The following HCN1 variants were observed in gnomAD, a reference collection of about 807,000 sequenced individuals.
HCN1 encodes hyperpolarization activated cyclic nucleotide gated potassium channel 1, also known as potassium/sodium hyperpolarization-activated cyclic nucleotide-gated channel 1.
A neutral mutation model predicts 78.9 loss-of-function variants in HCN1; 13 were observed. The ratio of observed to expected loss-of-function variants is 0.16; its 90% CI spans 0.11 to 0.26. The LOEUF (loss-of-function observed/expected upper bound fraction) is 0.26. Ranked by LOEUF, HCN1 falls within the 10% of genes least tolerant of loss-of-function variation. The pLI, the probability that HCN1 is intolerant of heterozygous loss-of-function variation, is 1.00. For missense variants in HCN1, 810 were observed against 1,154.3 expected, an observed-to-expected ratio of 0.70 and a Z score of 4.32; for synonymous variants, 552 against 455.5, an observed-to-expected ratio of 1.21 and a Z score of -2.70.
At chr5:45,381,109 A>G (rs1173654951) in intron 4 of HCN1, among the ~76,000 whole-genome samples, 1 of 152,168 alleles carries the variant, frequency 6.6e-6, no homozygotes, top group African/African-American at 2.4e-5. Context: ...AAGAATCTCA[A>G]TAATAATTAT....
intron 5 of HCN1, among the ~76,000 whole-genome samples, chr5:45,318,934 A>G (rs1299368793): frequency 6.6e-6 from 1 of 151,954 alleles, no homozygotes; most frequent in Non-Finnish European, 1.5e-5. Flanking sequence ...AGTCACATAA[A>G]TGAGGTTGCA....
intron 6 of HCN1, among the ~76,000 whole-genome samples, chr5:45,294,426 G>A (rs1745444098): frequency 6.6e-6 from 1 of 151,892 alleles, no homozygotes; most frequent in Admixed American, 6.6e-5. Context: ...TTTCTCATGG[G>A]TTTGTTTCAC....
chr5:45,526,014 G>T (rs1032858820), intron 2 of HCN1, among the ~76,000 whole-genome samples: 2 of 151,946 alleles, frequency 1.3e-5, no homozygotes, highest in African/African-American at 4.8e-5. Context: ...GAAGTTGGCA[G>T]TCGGCAAACC....
intron 6 of HCN1, among the ~76,000 whole-genome samples, chr5:45,278,061 G>A (rs776572959): frequency 1.2e-4 from 18 of 151,838 alleles, no homozygotes; most frequent in Non-Finnish European, 1.9e-4. Flanking sequence ...TTTTCTTCCT[G>A]TGATCCCTTA....
intron 2 of HCN1, among the ~76,000 whole-genome samples, chr5:45,573,886 C>CA (rs1222945380): frequency 6.6e-6 from 1 of 151,550 alleles, no homozygotes; most frequent in African/African-American, 2.4e-5. Flanking sequence ...GCTTTCTGAA[C>CA]AAAAAAAGAT....
chr5:45,538,385 C>CTAAA (rs1451327885), intron 2 of HCN1, among the ~76,000 whole-genome samples: 1 of 152,092 alleles, frequency 6.6e-6, no homozygotes, highest in Non-Finnish European at 1.5e-5. Flanking sequence ...TGTATAACAG[C>CTAAA]TAAATAGAAA....
chr5:45,387,697 A>G (rs1747954031), intron 4 of HCN1, among the ~76,000 whole-genome samples: 1 of 152,094 alleles, frequency 6.6e-6, no homozygotes, highest in Admixed American at 6.6e-5. Context: ...TCTGTCATCT[A>G]TCAACTTACA....
intron 3 of HCN1, among the ~76,000 whole-genome samples, chr5:45,423,755 A>T (rs1463593): frequency 2.0e-3 from 302 of 152,278 alleles, no homozygotes; most frequent in African/African-American, 6.5e-3. Flanking sequence ...GCCTACCTAG[A>T]ATGGGATAGA....
chr5:45,355,404 A>T (rs896397277), intron 4 of HCN1, among the ~76,000 whole-genome samples: 1 of 151,972 alleles, frequency 6.6e-6, no homozygotes, highest in Admixed American at 6.6e-5. Context: ...CTCCAGACCT[A>T]CTGAATCAGA....
At chr5:45,663,800 A>C (rs1354397293) in intron 1 of HCN1, among the ~76,000 whole-genome samples, 4 of 150,540 alleles carry the variant, frequency 2.7e-5, no homozygotes, top group Non-Finnish European at 5.9e-5. Flanking sequence ...TTAAAAAGTC[A>C]GGAAACAACA....
At chr5:45,625,379 C>A (rs947996554) in intron 2 of HCN1, among the ~76,000 whole-genome samples, 1 of 152,036 alleles carries the variant, frequency 6.6e-6, no homozygotes, top group African/African-American at 2.4e-5. Flanking sequence ...TGTCAGTCTG[C>A]CATTTCCTAG....
chr5:45,343,359 G>C lies in HCN1; in HGVS notation c.1377+9741C>G, dbSNP rs1302252845. 2.0e-5 allele frequency among the ~76,000 whole-genome samples: 3 copies of C among 152,180 alleles called. No homozygotes were observed. In the East Asian group the frequency reaches 5.8e-4, roughly 29 times the overall value. The stretch of plus-strand genomic sequence containing the variant: ...TTTGACCGTGGTATTTTAAATGGTA[G>C]TCAGAGAAATCAGACCAAATGCTGG... On this transcript the variant is annotated intron_variant, in intron 5 of 7. Coordinates refer to ENST00000303230, the MANE Select transcript of HCN1 (RefSeq NM_021072.4).
chr5:45,652,546 C>T (rs568870574), intron 1 of HCN1, among the ~76,000 whole-genome samples: 101 of 152,002 alleles, frequency 6.6e-4, no homozygotes, highest in Admixed American at 1.8e-3. Context: ...GTAAATGGTC[C>T]TCAAATCGAT....
At chr5:45,323,816 T>C (rs1180130903) in intron 5 of HCN1, among the ~76,000 whole-genome samples, 1 of 151,958 alleles carries the variant, frequency 6.6e-6, no homozygotes, top group Non-Finnish European at 1.5e-5. Flanking sequence ...CATGTGGTGT[T>C]TGGTTTTTTG....
intron 3 of HCN1, among the ~76,000 whole-genome samples, chr5:45,435,315 A>G (rs1315386575): frequency 6.6e-6 from 1 of 152,142 alleles, no homozygotes; most frequent in Non-Finnish European, 1.5e-5. Flanking sequence ...GCAGAACAGA[A>G]TTAGTAAATA....
chr5:45,674,854 T>C (rs1291181119), intron 1 of HCN1, among the ~76,000 whole-genome samples: 1 of 151,706 alleles, frequency 6.6e-6, no homozygotes, highest in Non-Finnish European at 1.5e-5. Flanking sequence ...GGTAGGAGGA[T>C]TGCTGGAAGG....
chr5:45,473,836 C>T (rs550462979), intron 2 of HCN1, among the ~76,000 whole-genome samples: 2 of 151,888 alleles, frequency 1.3e-5, no homozygotes, highest in South Asian at 2.1e-4. Flanking sequence ...TGTAACCTGG[C>T]GTTTCCTATC....
rs900297807 is a variant in HCN1 at position 45,394,677 on chromosome 5, G to A, written c.1230+1815C>T. Among the ~76,000 whole-genome samples, 7 of 152,010 alleles carry A rather than the reference G, an allele frequency of 4.6e-5. No homozygotes were observed. The East Asian group carries it at 9.7e-4, about 21-fold the overall frequency. ...CTTTTAATACAAAAATTAGTCAGGCGTGGTGGCAGGTGCCTGGAATCCCAA... is the reference window on the plus strand; with the variant it reads ...CTTTTAATACAAAAATTAGTCAGGCATGGTGGCAGGTGCCTGGAATCCCAA... On this transcript the variant is annotated intron_variant, in intron 4 of 7. Transcript: ENST00000303230.
chr5:45,264,964 G>T (rs1744828113), intron 7 of HCN1, among the ~76,000 whole-genome samples: 1 of 152,172 alleles, frequency 6.6e-6, no homozygotes, highest in Non-Finnish European at 1.5e-5. Context: ...GCTGAGATGG[G>T]TGGATCATGA....
Sources: allele counts gnomAD v4.1 joint callset (sites outside exome capture counted in the v4.1 genomes callset), GRCh38; gene constraint gnomAD v4.1.1; transcripts MANE v1.5; gene names NCBI Gene and HGNC (gene_info 2026-07-23, HGNC 2026-07-21).